NOS1AP: variants seen among roughly 807,000 people sequenced by gnomAD.
NOS1AP encodes carboxyl-terminal PDZ ligand of neuronal nitric oxide synthase protein.
NOS1AP carries 21 observed loss-of-function variants against 56.2 expected under a neutral mutation model. The observed-to-expected ratio is 0.37, with a 90% confidence interval of 0.26 to 0.54. NOS1AP has a LOEUF of 0.54. NOS1AP is among the 20% of genes least tolerant of loss of function. The pLI, the probability that NOS1AP is intolerant of heterozygous loss-of-function variation, is 0.84. For synonymous variants in NOS1AP, 270 were observed against 274.6 expected (o/e 0.98, Z 0.17); for missense variants, 522 against 657.8 (o/e 0.79, Z 2.26).
At chr1:162,301,656 G>A (rs1296724627) in intron 4 of NOS1AP, among the ~76,000 whole-genome samples, 1 of 152,208 alleles carries the variant, frequency 6.6e-6, no homozygotes, top group Non-Finnish European at 1.5e-5. Context: ...CAGGAACCAT[G>A]ACAGGAGCTC....
At chr1:162,222,751 G>A (rs78239918) in intron 2 of NOS1AP, among the ~76,000 whole-genome samples, 7,860 of 152,252 alleles carry the variant, frequency 0.052, 317 homozygotes, top group South Asian at 0.16. Flanking sequence ...TGTTGGCCAT[G>A]ATGAGAGCAT....
chr1:162,190,266 C>T (rs573853420), intron 2 of NOS1AP, among the ~76,000 whole-genome samples: 15 of 152,192 alleles, frequency 9.9e-5, no homozygotes, highest in Non-Finnish European at 2.1e-4. Context: ...TCTCTCTAGG[C>T]TAAACATCTC....
At chr1:162,348,228 G>A (rs1657366495) in intron 6 of NOS1AP, among the ~76,000 whole-genome samples, 1 of 152,208 alleles carries the variant, frequency 6.6e-6, no homozygotes, top group Non-Finnish European at 1.5e-5. Context: ...CTTACTGTAT[G>A]CCAAAATGAA....
At chr1:162,328,580 A>G (rs1656665481) in intron 4 of NOS1AP, among the ~76,000 whole-genome samples, 1 of 152,184 alleles carries the variant, frequency 6.6e-6, no homozygotes, top group Non-Finnish European at 1.5e-5. Context: ...TACTAGCATG[A>G]GTGAGGTACA....
chr1:162,166,777 C>G (rs1650517890), intron 2 of NOS1AP, among the ~76,000 whole-genome samples: 1 of 152,194 alleles, frequency 6.6e-6, no homozygotes, highest in African/African-American at 2.4e-5. Flanking sequence ...ACGTCCTTAG[C>G]ACCGTGCCTG....
intron 2 of NOS1AP, among the ~76,000 whole-genome samples, chr1:162,177,196 G>A (rs1651093008): frequency 6.6e-6 from 1 of 152,156 alleles, no homozygotes; most frequent in Non-Finnish European, 1.5e-5. Flanking sequence ...GAGGAGGGTG[G>A]ATTATGTGAT....
intron 1 of NOS1AP, among the ~76,000 whole-genome samples, chr1:162,133,883 G>T (rs566463009): frequency 6.6e-6 from 1 of 152,084 alleles, no homozygotes; most frequent in Admixed American, 6.6e-5. Context: ...AGAAGTAATC[G>T]GCATTCAACG....
intron 3 of NOS1AP, among the ~76,000 whole-genome samples, chr1:162,294,222 A>AGGAGGGAG (rs1553202663): frequency 6.8e-6 from 1 of 147,620 alleles, no homozygotes; most frequent in East Asian, 2.0e-4. Flanking sequence ...GAAGGAAGGA[A>AGGAGGGAG]GGAAGAAAGA....
intron 1 of NOS1AP, among the ~76,000 whole-genome samples, chr1:162,138,068 C>G (rs531978729): frequency 2.6e-5 from 4 of 152,238 alleles, no homozygotes; most frequent in African/African-American, 9.6e-5. Flanking sequence ...TTTAAAAATG[C>G]ATAATCTGTT....
At chr1:162,316,559 C>A (rs1356868841) in intron 4 of NOS1AP, among the ~76,000 whole-genome samples, 1 of 152,234 alleles carries the variant, frequency 6.6e-6, no homozygotes, top group Non-Finnish European at 1.5e-5. Context: ...AAGAGACCCC[C>A]AAACAGGCTT....
intron 2 of NOS1AP, among the ~76,000 whole-genome samples, chr1:162,240,244 A>AGCGTGTGT (rs373369196): frequency 7.1e-5 from 10 of 141,220 alleles, no homozygotes; most frequent in African/African-American, 2.7e-4. Context: ...CTGTGTGGCC[A>AGCGTGTGT]GTGTGTGTGT....
At chr1:162,329,120 G>A (rs1279156238) in intron 4 of NOS1AP, among the ~76,000 whole-genome samples, 1 of 152,162 alleles carries the variant, frequency 6.6e-6, no homozygotes, top group African/African-American at 2.4e-5. Context: ...AGTCATTTAT[G>A]GTAAGTCTGT....
chr1:162,273,316 A>G (rs1397336197), intron 2 of NOS1AP, among the ~76,000 whole-genome samples: 1 of 151,754 alleles, frequency 6.6e-6, no homozygotes, highest in Non-Finnish European at 1.5e-5. Context: ...GGCGCCCGCC[A>G]CCACACCCGG....
intron 1 of NOS1AP, among the ~76,000 whole-genome samples, chr1:162,091,150 C>G (rs573056853): frequency 3.2e-4 from 49 of 152,138 alleles, no homozygotes; most frequent in Non-Finnish European, 6.6e-4. Flanking sequence ...GTCTCTGTTG[C>G]CTGTCCTGCT....
At chr1:162,252,192 G>A (rs185778353) in intron 2 of NOS1AP, among the ~76,000 whole-genome samples, 2 of 152,072 alleles carry the variant, frequency 1.3e-5, no homozygotes, top group Admixed American at 6.6e-5. Flanking sequence ...GACTATAGGT[G>A]TGTGCTACCA....
Position 162,070,246 on chromosome 1 carries a change from G to A in NOS1AP, c.69G>A (p.Glu23=), listed in dbSNP as rs764140152. The change falls in exon 1 of 10, where the codon GAG becomes GAA. Residue 23 remains glutamate (E), a synonymous_variant. Coordinates refer to ENST00000361897, the MANE Select transcript of NOS1AP (RefSeq NM_014697.3). ...ACCTGCGGATCCCCTTGCACAACGA[G>A]GACGCCTTCCAGCACGGCATCTGCT... The part of the protein sequence containing the change: ...GHDLRIPLHN[E]DAFQHGICFE... 2 of 1,614,026 alleles carry A rather than the reference G, an allele frequency of 1.2e-6. No individual in the cohort carries two copies. The highest frequency in any genetic ancestry group is 3.3e-5 in the Admixed American group (2 of 60,022).
chr1:162,351,172 A>C (rs963031117), intron 6 of NOS1AP, among the ~76,000 whole-genome samples: 1 of 152,214 alleles, frequency 6.6e-6, no homozygotes, highest in Non-Finnish European at 1.5e-5. Flanking sequence ...TAAGCATTTC[A>C]GATAGAGATA....
chr1:162,095,577 C>T (rs1692221757), intron 1 of NOS1AP, among the ~76,000 whole-genome samples: 1 of 152,182 alleles, frequency 6.6e-6, no homozygotes, highest in Non-Finnish European at 1.5e-5. Context: ...AGAGCTAATT[C>T]AGAATGTTAA....
intron 3 of NOS1AP, among the ~76,000 whole-genome samples, chr1:162,296,339 C>G (rs1475534322): frequency 6.6e-6 from 1 of 152,210 alleles, no homozygotes; most frequent in Non-Finnish European, 1.5e-5. Context: ...ATAACCAAAA[C>G]ATTGGTGAGT....
Sources: gnomAD v4.1 joint callset for allele counts (sites outside exome capture counted in the v4.1 genomes callset) on GRCh38, gnomAD v4.1.1 for gene constraint, MANE v1.5 for transcripts, NCBI Gene and HGNC (gene_info 2026-07-23, HGNC 2026-07-21) for gene names.